Variants in PTPN9 observed in about 807,000 individuals in gnomAD.
The protein encoded by PTPN9 is protein tyrosine phosphatase non-receptor type 9.
PTPN9 carries 26 observed loss-of-function variants against 69.8 expected under a neutral mutation model. That is an observed-to-expected ratio of 0.37 (90% confidence interval 0.27 to 0.52). PTPN9 has a LOEUF of 0.52. PTPN9 is among the 20% of genes least tolerant of loss of function. The pLI is 0.91. For synonymous variants in PTPN9, 274 were observed against 272.5 expected (o/e 1.01, Z -0.05); for missense variants, 549 against 740.3 (o/e 0.74, Z 3.00).
At chr15:75,516,316 T>G (rs2074869066) in intron 5 of PTPN9, among the ~76,000 whole-genome samples, 1 of 150,464 alleles carries the variant, frequency 6.6e-6, no homozygotes, top group Non-Finnish European at 1.5e-5. Context: ...TTTTTTTTTT[T>G]TTTTTGAGAC....
At chr15:75,554,384 G>A (rs1410944496) in intron 1 of PTPN9, among the ~76,000 whole-genome samples, 1 of 151,960 alleles carries the variant, frequency 6.6e-6, no homozygotes, top group African/African-American at 2.4e-5. Flanking sequence ...AGTAGAGACA[G>A]GGTTTCTCCA....
intron 1 of PTPN9, among the ~76,000 whole-genome samples, chr15:75,574,678 C>T (rs1160721684): frequency 6.6e-6 from 1 of 151,710 alleles, no homozygotes; most frequent in Non-Finnish European, 1.5e-5. Context: ...CGGTGGCTCA[C>T]GCCTGTAATC....
chr15:75,547,552 C>T (rs2075038965), intron 1 of PTPN9, among the ~76,000 whole-genome samples: 1 of 152,152 alleles, frequency 6.6e-6, no homozygotes, highest in South Asian at 2.1e-4. Flanking sequence ...CCTGCCTATG[C>T]TGTCTCGCAT....
intron 9 of PTPN9, among the ~76,000 whole-genome samples, chr15:75,474,793 C>T (rs1258568083): frequency 6.6e-6 from 1 of 152,186 alleles, no homozygotes; most frequent in African/African-American, 2.4e-5. Context: ...TACTGTAACA[C>T]CCTCTTAGTC....
intron 1 of PTPN9, among the ~76,000 whole-genome samples, chr15:75,563,141 T>G (rs1214965080): frequency 6.6e-6 from 1 of 152,174 alleles, no homozygotes; most frequent in Non-Finnish European, 1.5e-5. Flanking sequence ...TGTGTTCATG[T>G]GTACTTAATG....
chr15:75,514,213 T>C (rs1305274620), intron 5 of PTPN9, among the ~76,000 whole-genome samples: 2 of 151,756 alleles, frequency 1.3e-5, no homozygotes, highest in East Asian at 1.9e-4. Context: ...GATTTCTTCC[T>C]AGTTAGACCG....
chr15:75,519,042 T>C (rs1856349802), intron 4 of PTPN9, among the ~76,000 whole-genome samples: 1 of 152,190 alleles, frequency 6.6e-6, no homozygotes, highest in Non-Finnish European at 1.5e-5. Context: ...GCAAGAGTTT[T>C]CACATCTATT....
chr15:75,488,726 C>A (rs2141298592), intron 8 of PTPN9, among the ~76,000 whole-genome samples: 1 of 152,192 alleles, frequency 6.6e-6, no homozygotes, highest in Non-Finnish European at 1.5e-5. Flanking sequence ...CCCAGGAGTT[C>A]AAGGGTGCAG....
At chr15:75,552,078 T>A (rs1287038361) in intron 1 of PTPN9, among the ~76,000 whole-genome samples, 12 of 149,410 alleles carry the variant, frequency 8.0e-5, no homozygotes, top group African/African-American at 9.9e-5. Context: ...GAAAAAAAAA[T>A]TTGTTTTGAC....
chr15:75,515,872 G>T lies in PTPN9; in HGVS notation c.528+1387C>A, dbSNP rs1335719171. On this transcript the variant is annotated intron_variant, in intron 5 of 12. Coordinates refer to ENST00000618819, the MANE Select transcript of PTPN9 (RefSeq NM_002833.4). ...ACATCGCGCCACCGCACTCCAGCCT[G>T]GGCGACAAGAGCAAGACTCCATCTC... 2.0e-5 allele frequency among the ~76,000 whole-genome samples: 3 copies of T among 151,832 alleles called. No homozygotes were observed. In the East Asian group the frequency reaches 5.8e-4, roughly 29 times the overall value.
At chr15:75,514,775 A>C (rs1420735402) in intron 5 of PTPN9, among the ~76,000 whole-genome samples, 6 of 152,230 alleles carry the variant, frequency 3.9e-5, no homozygotes, top group Non-Finnish European at 8.8e-5. Flanking sequence ...GAAGAAGAAA[A>C]AATATATAGC....
chr15:75,490,139 G>T (rs899199089), intron 8 of PTPN9, 69 bp downstream of exon 8: 1 of 1,233,384 alleles, frequency 8.1e-7, no homozygotes, highest in Non-Finnish European at 1.2e-6. Flanking sequence ...CGAAGTATTA[G>T]TAAGCTTCAC....
intron 2 of PTPN9, among the ~76,000 whole-genome samples, chr15:75,524,934 TTC>T (rs1207435987): frequency 6.6e-6 from 1 of 152,122 alleles, no homozygotes. Context: ...TAGGGTATTT[TTC>T]TCTGACTCAG....
rs141147034 is a variant in PTPN9, at chr15:75,493,833, C to T, written c.969-3532G>A. 2.2e-3 allele frequency among the ~76,000 whole-genome samples: 336 copies of T among 152,028 alleles called. 1 individual carries two copies. Among genetic ancestry groups the T allele is most frequent in the Non-Finnish European group, 3.2e-3 (220 of 67,948 alleles). On this transcript the variant is annotated intron_variant, in intron 7 of 12. Coordinates refer to ENST00000618819, the MANE Select transcript of PTPN9 (RefSeq NM_002833.4). Reference sequence around the variant, plus strand: ...GAAAGTTAAGAGAATCATTCTGGGACACAAGTCAGCAAACTATGCCCTGGC... The same window carrying T: ...GAAAGTTAAGAGAATCATTCTGGGATACAAGTCAGCAAACTATGCCCTGGC...
intron 7 of PTPN9, among the ~76,000 whole-genome samples, chr15:75,494,549 C>T (rs1227310443): frequency 6.6e-6 from 1 of 151,714 alleles, no homozygotes; most frequent in African/African-American, 2.4e-5. Flanking sequence ...GACGGGGTTT[C>T]GCCATGTTGG....
At chr15:75,498,001 T>A (rs1467066123) in intron 7 of PTPN9, among the ~76,000 whole-genome samples, 1 of 149,032 alleles carries the variant, frequency 6.7e-6, no homozygotes, top group African/African-American at 2.5e-5. Flanking sequence ...ACCAGCCTAG[T>A]CAATATGGTG....
intron 9 of PTPN9, 111 bp downstream of exon 9, chr15:75,479,737 G>A (rs2074617329): frequency 3.3e-6 from 3 of 898,014 alleles, no homozygotes; most frequent in Non-Finnish European, 5.1e-6. Flanking sequence ...GGATCTAGTG[G>A]CCAAAACCTC....
At position 75,559,929 on chromosome 15, in the gene PTPN9, C is replaced by A. The variant is rs190160156; in HGVS notation, c.63+18785G>T. On this transcript the variant is annotated intron_variant, in intron 1 of 12. Transcript: ENST00000618819. ...CCAAGGTGGGCAGATCATTTGAGGT[C>A]AGGAGTTCAAGACCAGCCTGGCCAA... Among the ~76,000 whole-genome samples the A allele has an allele frequency of 8.2e-3, 1,242 of 152,106 alleles. 9 individuals carry two copies. Among genetic ancestry groups the A allele is most frequent in the Non-Finnish European group, 0.014 (929 of 68,004 alleles).
At chr15:75,494,668 A>G (rs1035280500) in intron 7 of PTPN9, among the ~76,000 whole-genome samples, 26 of 152,060 alleles carry the variant, frequency 1.7e-4, no homozygotes, top group African/African-American at 6.3e-4. Context: ...CAATCCTTTT[A>G]AATGATCTAT....
Sources: allele counts gnomAD v4.1 joint callset (sites outside exome capture counted in the v4.1 genomes callset), GRCh38; gene constraint gnomAD v4.1.1; transcripts MANE v1.5; gene names NCBI Gene and HGNC (gene_info 2026-07-23, HGNC 2026-07-21).